EPC2: variants seen among roughly 807,000 people sequenced by gnomAD.
EPC2 encodes enhancer of polycomb homolog 2.
EPC2 carries 14 observed loss-of-function variants against 92.1 expected under a neutral mutation model. The observed-to-expected ratio is 0.15, with a 90% CI of 0.10 to 0.24. EPC2 has a LOEUF of 0.24. EPC2 is among the 10% of genes least tolerant of loss of function. EPC2 has a pLI of 1.00. For synonymous variants in EPC2, 340 were observed against 334.7 expected, an observed-to-expected ratio of 1.02 and a Z score of -0.17; for missense variants, 755 against 971.5, an observed-to-expected ratio of 0.78 and a Z score of 2.96.
At chr2:148,672,644 A>AT (rs539415385) in intron 1 of EPC2, among the ~76,000 whole-genome samples, 8 of 152,076 alleles carry the variant, frequency 5.3e-5, no homozygotes, top group African/African-American at 1.7e-4. Flanking sequence ...TCAAAATTAT[A>AT]TTTTTTGTGT....
chr2:148,757,792 G>A (rs1683220256), intron 4 of EPC2, among the ~76,000 whole-genome samples: 1 of 152,040 alleles, frequency 6.6e-6, no homozygotes, highest in Non-Finnish European at 1.5e-5. Context: ...CCAAAATTGC[G>A]CCATTGCACT....
chr2:148,655,303 T>C (rs574204664), intron 1 of EPC2, among the ~76,000 whole-genome samples: 8 of 152,276 alleles, frequency 5.3e-5, no homozygotes, highest in South Asian at 2.1e-4. Flanking sequence ...CTTCTTAACC[T>C]TTTTTTGGTG....
At chr2:148,711,212 C>T (rs1682136453) in intron 2 of EPC2, among the ~76,000 whole-genome samples, 1 of 151,804 alleles carries the variant, frequency 6.6e-6, no homozygotes. Context: ...TGCAGTCAGT[C>T]CTATAAATTT....
chr2:148,725,309 T>A (rs999404813), intron 2 of EPC2, among the ~76,000 whole-genome samples: 14 of 152,246 alleles, frequency 9.2e-5, no homozygotes, highest in Middle Eastern at 3.4e-3. Flanking sequence ...CATGATTCAT[T>A]AAATGTTAAC....
At chr2:148,762,534 A>T in intron 5 of EPC2, 136 bp from the exon 6 acceptor site, 1 of 668,320 alleles carries the variant, frequency 1.5e-6, no homozygotes, top group Non-Finnish European at 2.3e-6. Flanking sequence ...ATTCCTGCAA[A>T]TTTTATCTTT....
At chr2:148,745,063 G>C (rs897601491) in intron 3 of EPC2, among the ~76,000 whole-genome samples, 1 of 130,778 alleles carries the variant, frequency 7.6e-6, no homozygotes, top group African/African-American at 2.9e-5. Context: ...TTTGAAAATT[G>C]CATTTTGTAA....
At chr2:148,649,234 C>G (rs1553537169) in intron 1 of EPC2, among the ~76,000 whole-genome samples, 3 of 152,026 alleles carry the variant, frequency 2.0e-5, no homozygotes, top group Non-Finnish European at 4.4e-5. Flanking sequence ...AAAAAAGTAC[C>G]TATATACAGT....
chr2:148,671,286 G>GTTTTTTTTTTTTT (rs369058386), intron 1 of EPC2, among the ~76,000 whole-genome samples: 1 of 130,650 alleles, frequency 7.7e-6, no homozygotes, highest in African/African-American at 3.0e-5. Flanking sequence ...TGTGGATTGT[G>GTTTTTTTTTTTTT]ATTTTTTTTT....
intron 2 of EPC2, among the ~76,000 whole-genome samples, chr2:148,735,088 T>C (rs1249240640): frequency 2.0e-5 from 3 of 152,092 alleles, no homozygotes; most frequent in African/African-American, 7.2e-5. Context: ...TTTTTGCTTA[T>C]ATGAATATAA....
chr2:148,770,644 CAATG>C lies in EPC2; in HGVS notation c.1231-145_1231-142del, dbSNP rs1475972126. 1.8e-5 allele frequency: 16 copies of C among 872,740 alleles called. No individual in the cohort carries two copies. In the African/African-American group the frequency reaches 2.8e-4, roughly 15 times the overall value. The allele number at this position is 872,740 out of a possible 1,614,324, so 54.1% of individuals were successfully genotyped here. A position where few individuals can be genotyped will look rare whatever the true frequency, so the allele number is the denominator to read the frequency against. On this transcript the variant is annotated intron_variant, in intron 8 of 13. Coordinates refer to ENST00000258484, the MANE Select transcript of EPC2 (RefSeq NM_015630.4). ...TGTAAAATTTAACCTGATTAATAGT[CAATG>C]AAGCCCCACTTTTACAGTTTTATAT... is the stretch of plus-strand genomic sequence containing the variant.
chr2:148,747,756 C>T (rs1441220777), intron 3 of EPC2, among the ~76,000 whole-genome samples: 6 of 152,072 alleles, frequency 3.9e-5, no homozygotes, highest in Non-Finnish European at 8.8e-5. Flanking sequence ...TTCTTCATCT[C>T]CTCTTTATCT....
intron 1 of EPC2, among the ~76,000 whole-genome samples, chr2:148,674,421 A>T (rs982525629): frequency 1.2e-4 from 18 of 152,180 alleles, no homozygotes. Context: ...AGAATATTGG[A>T]TGCATTTTCC....
intron 2 of EPC2, among the ~76,000 whole-genome samples, chr2:148,734,172 G>T (rs1357420756): frequency 1.3e-5 from 2 of 152,100 alleles, no homozygotes; most frequent in Middle Eastern, 3.4e-3. Flanking sequence ...ACCATGGTTG[G>T]ATACATGTTA....
At chr2:148,727,021 T>G (rs1682513385) in intron 2 of EPC2, among the ~76,000 whole-genome samples, 2 of 152,218 alleles carry the variant, frequency 1.3e-5, no homozygotes, top group South Asian at 4.1e-4. Flanking sequence ...TGTCATGAAG[T>G]CTTTCTTCCT....
At chr2:148,724,829 G>A (rs925168278) in intron 2 of EPC2, among the ~76,000 whole-genome samples, 9 of 152,116 alleles carry the variant, frequency 5.9e-5, no homozygotes, top group Non-Finnish European at 1.0e-4. Context: ...TTAGTCCACT[G>A]ACTATTGGAA....
At chr2:148,678,634 G>A (rs536047643) in intron 1 of EPC2, among the ~76,000 whole-genome samples, 9 of 152,356 alleles carry the variant, frequency 5.9e-5, no homozygotes, top group African/African-American at 1.9e-4. Flanking sequence ...CTCCGCAGCC[G>A]CTGGCCCGGG....
At chr2:148,737,828 C>CAA (rs200169123) in intron 2 of EPC2, among the ~76,000 whole-genome samples, 12 of 150,860 alleles carry the variant, frequency 8.0e-5, no homozygotes, top group African/African-American at 2.7e-4. Context: ...AAAAAAAGTG[C>CAA]AAAAAAATCT....
chr2:148,772,222 T>C (rs983427081), intron 10 of EPC2, among the ~76,000 whole-genome samples: 2 of 152,238 alleles, frequency 1.3e-5, no homozygotes, highest in Non-Finnish European at 2.9e-5. Flanking sequence ...AAATAATGTA[T>C]AATATCTAGA....
intron 2 of EPC2, among the ~76,000 whole-genome samples, chr2:148,698,321 G>A (rs1681794631): frequency 6.6e-6 from 1 of 152,046 alleles, no homozygotes; most frequent in Non-Finnish European, 1.5e-5. Flanking sequence ...GTTTGAAAAA[G>A]TTTTCTCATT....
Sources: allele counts gnomAD v4.1 joint callset (sites outside exome capture counted in the v4.1 genomes callset), GRCh38; gene constraint gnomAD v4.1.1; transcripts MANE v1.5; gene names NCBI Gene and HGNC (gene_info 2026-07-23, HGNC 2026-07-21).